Variants in ETFRF1 observed in about 807,000 individuals in gnomAD.
ETFRF1 encodes the protein electron transfer flavoprotein regulatory factor 1, also known as LYR motif containing 5.
Under a neutral mutation model 9.0 loss-of-function variants are expected in ETFRF1, and 12 were observed. The ratio of observed to expected loss-of-function variants is 1.34; its 90% CI spans 0.86 to 2.16. The LOEUF is 2.16. Ranked by LOEUF, ETFRF1 falls within the 30% of genes most tolerant of loss-of-function variation. The pLI, the probability that ETFRF1 is intolerant of heterozygous loss-of-function variation, is 0.00. For missense variants in ETFRF1, 98 were observed against 101.8 expected, an observed-to-expected ratio of 0.96 and a Z score of 0.16; for synonymous variants, 34 against 33.2, an observed-to-expected ratio of 1.02 and a Z score of -0.08.
At chr12:25,200,368 T>G (rs185028132) in intron 1 of ETFRF1, among the ~76,000 whole-genome samples, 17 of 152,188 alleles carry the variant, frequency 1.1e-4, no homozygotes, top group Admixed American at 2.6e-4. Context: ...TTTTCCCAAA[T>G]TGAAGGAAAC....
intron 1 of ETFRF1, among the ~76,000 whole-genome samples, chr12:25,202,323 A>C (rs1951081022): frequency 6.6e-6 from 1 of 151,988 alleles, no homozygotes; most frequent in Non-Finnish European, 1.5e-5. Flanking sequence ...CATCTGGGGA[A>C]GGTGGGGGCG....
At chr12:25,202,327 G>A (rs887575526) in intron 1 of ETFRF1, among the ~76,000 whole-genome samples, 1 of 152,088 alleles carries the variant, frequency 6.6e-6, no homozygotes, top group African/African-American at 2.4e-5. Context: ...TGGGGAAGGT[G>A]GGGGCGAGAG....
At chr12:25,197,531 C>CA (rs1167990037) in intron 1 of ETFRF1, among the ~76,000 whole-genome samples, 1 of 152,154 alleles carries the variant, frequency 6.6e-6, no homozygotes, top group East Asian at 1.9e-4. Flanking sequence ...GTGGAACAAT[C>CA]ACGGCTCACT....
Position 25,204,841 on chromosome 12 carries a change from T to G in ETFRF1, c.*529T>G, listed in dbSNP as rs895293371. On this transcript the variant is annotated 3_prime_UTR_variant, in exon 3 of 3. Coordinates refer to ENST00000381356, the MANE Select transcript of ETFRF1 (RefSeq NM_001001660.3). ...GAAATAAATAATATGTATGGAGTCA[T>G]TACTTCTGACCTTGAAATAGCCTGC... The G allele has an allele frequency of 5.1e-6, 1 of 194,630 alleles. No individual in the cohort carries two copies. Among genetic ancestry groups the G allele is most frequent in the Non-Finnish European group, 1.1e-5 (1 of 93,010 alleles). The allele number at this position is 194,630 out of a possible 1,614,324, so 12.1% of individuals were successfully genotyped here. A position where few individuals can be genotyped will look rare whatever the true frequency, so the allele number is the denominator to read the frequency against.
chr12:25,201,087 G>A (rs1448438850), intron 1 of ETFRF1, among the ~76,000 whole-genome samples: 1 of 152,226 alleles, frequency 6.6e-6, no homozygotes. Flanking sequence ...TGGACCAACT[G>A]AGGACACTCA....
rs1951081623 is a variant in ETFRF1, at chr12:25,202,350, GGTA to G, written c.-37-1565_-37-1563del. Among the ~76,000 whole-genome samples the G allele has an allele frequency of 2.0e-5, 3 of 151,816 alleles. No homozygotes were observed. In the South Asian group the frequency reaches 6.2e-4, roughly 32 times the overall value. ...GTGGGGGCGAGAGAAAGGCTGGCAA[GGTA>G]GTAGCCCAGCAGGGGATACTGGAGC... On this transcript the variant is annotated intron_variant, in intron 1 of 2. Transcript: ENST00000381356.
At chr12:25,203,266 A>G (rs1951090765) in intron 1 of ETFRF1, among the ~76,000 whole-genome samples, 1 of 152,180 alleles carries the variant, frequency 6.6e-6, no homozygotes, top group African/African-American at 2.4e-5. Context: ...CTCCTCTACA[A>G]AGTAGAGTTA....
At chr12:25,201,507 G>A (rs961922423) in intron 1 of ETFRF1, among the ~76,000 whole-genome samples, 6 of 152,170 alleles carry the variant, frequency 3.9e-5, no homozygotes, top group African/African-American at 1.4e-4. Flanking sequence ...GTAGAGATGG[G>A]GAAGGAGAAG....
In ETFRF1 at chr12:25,204,991, G is replaced by GAAAT. The variant is rs545966010; in HGVS notation, c.*690_*693dup. The GAAAT allele has an allele frequency of 4.9e-6, 1 of 204,480 alleles. No individual in the cohort carries two copies. The highest frequency in any genetic ancestry group is 2.3e-5 in the African/African-American group (1 of 43,702). 12.7% of individuals were successfully genotyped at this position (204,480 alleles called of 1,614,324 possible). A position where few individuals can be genotyped will look rare whatever the true frequency, so the allele number is the denominator to read the frequency against. On this transcript the variant is annotated 3_prime_UTR_variant, in exon 3 of 3. Transcript: ENST00000381356. ...TATCAATTACCTTCTTTGATAAAAG[G>GAAAT]AAATAAATAAATAATGTTATCCTAT...
At chr12:25,202,742 G>A (rs1222345353) in intron 1 of ETFRF1, among the ~76,000 whole-genome samples, 1 of 152,052 alleles carries the variant, frequency 6.6e-6, no homozygotes, top group Non-Finnish European at 1.5e-5. Context: ...AATTTATTAA[G>A]GACAAGTGGG....
chr12:25,203,397 C>T (rs925129415), intron 1 of ETFRF1, among the ~76,000 whole-genome samples: 4 of 152,226 alleles, frequency 2.6e-5, no homozygotes, highest in African/African-American at 9.6e-5. Flanking sequence ...ACCTGCTTAA[C>T]TCACCCAGTT....
chr12:25,199,619 T>TACACACACACACACACACACACACAC (rs56221882), intron 1 of ETFRF1, among the ~76,000 whole-genome samples: 32 of 143,666 alleles, frequency 2.2e-4, no homozygotes, highest in South Asian at 6.8e-4. Flanking sequence ...TATGTATACA[T>TACACACACACACACACACACACACAC]ACACACACAC....
intron 1 of ETFRF1, among the ~76,000 whole-genome samples, chr12:25,202,713 G>A (rs1470922087): frequency 6.6e-6 from 1 of 152,056 alleles, no homozygotes; most frequent in African/African-American, 2.4e-5. Flanking sequence ...GAGAGAAGGG[G>A]TGATGATTAT....
chr12:25,198,158 G>T (rs185786208), intron 1 of ETFRF1, among the ~76,000 whole-genome samples: 20 of 152,280 alleles, frequency 1.3e-4, no homozygotes, highest in Admixed American at 1.1e-3. Context: ...AAGACTAGAG[G>T]TTTATTTCTG....
At chr12:25,202,418 T>G (rs925032782) in intron 1 of ETFRF1, among the ~76,000 whole-genome samples, 6 of 151,868 alleles carry the variant, frequency 4.0e-5, no homozygotes, top group Non-Finnish European at 7.4e-5. Context: ...TAGGGACTTG[T>G]GCACAGCAGC....
At position 25,204,001 on chromosome 12, in the gene ETFRF1, T is replaced by C. The variant is rs374948270; in HGVS notation, c.45T>C (p.Tyr15=). The change falls in exon 2 of 3, where the codon TAT becomes TAC. Residue 15 remains tyrosine, a synonymous_variant. Transcript: ENST00000381356. ...TAAGAGGAGAAGTACTAAAACTTTA[T>C]AAAAATGTAAGTAATTATGTTGCCA... ...NSLRGEVLKL[Y]KNLLYLGRDY... The C allele has an allele frequency of 2.1e-5, 31 of 1,508,490 alleles. No individual in the cohort carries two copies. In the African/African-American group the frequency reaches 4.0e-4, roughly 19 times the overall value. The allele number at this position is 1,508,490 out of a possible 1,614,324, so 93.4% of individuals were successfully genotyped here. A position where few individuals can be genotyped will look rare whatever the true frequency, so the allele number is the denominator to read the frequency against.
rs562660293 is a variant in ETFRF1 at position 25,204,837 on chromosome 12, G to A, written c.*525G>A. On this transcript the variant is annotated 3_prime_UTR_variant, in exon 3 of 3. Transcript: ENST00000381356. ...TATAGAAATAAATAATATGTATGGA[G>A]TCATTACTTCTGACCTTGAAATAGC... 1.0e-5 allele frequency: 2 copies of A among 193,614 alleles called. No individual in the cohort carries two copies. The highest frequency in any genetic ancestry group is 3.8e-4 in the South Asian group (2 of 5,196). The allele number at this position is 193,614 out of a possible 1,614,324, so 12.0% of individuals were successfully genotyped here. A position where few individuals can be genotyped will look rare whatever the true frequency, so the allele number is the denominator to read the frequency against.
chr12:25,199,292 C>T (rs1032192045), intron 1 of ETFRF1, among the ~76,000 whole-genome samples: 19 of 147,990 alleles, frequency 1.3e-4, no homozygotes, highest in Non-Finnish European at 2.8e-4. Flanking sequence ...CTATATACTA[C>T]GTAGTATGTA....
intron 1 of ETFRF1, among the ~76,000 whole-genome samples, chr12:25,200,515 C>T (rs778978603): frequency 1.3e-5 from 2 of 152,138 alleles, no homozygotes; most frequent in Non-Finnish European, 2.9e-5. Context: ...AGAAAAAATA[C>T]ATCACATACA....
Sources: gnomAD v4.1 joint callset for allele counts (sites outside exome capture counted in the v4.1 genomes callset) on GRCh38, gnomAD v4.1.1 for gene constraint, MANE v1.5 for transcripts, NCBI Gene and HGNC (gene_info 2026-07-23, HGNC 2026-07-21) for gene names.